FXYD1: variants seen among roughly 807,000 people sequenced by gnomAD.
FXYD1 encodes the protein FXYD domain containing ion transport regulator 1, also known as phospholemman.
Under a neutral mutation model 17.2 loss-of-function variants are expected in FXYD1, and 9 were observed. The observed-to-expected ratio is 0.52, with a 90% CI of 0.32 to 0.91. The LOEUF (loss-of-function observed/expected upper bound fraction) is 0.91, where lower values mean the gene tolerates loss of function less well. Among genes scored for constraint, FXYD1 ranks in the 40% least tolerant of loss-of-function variants. FXYD1 has a pLI of 0.04. For missense variants in FXYD1, 113 were observed against 120.6 expected (o/e 0.94, Z 0.29); for synonymous variants, 55 against 45.8 (o/e 1.20, Z -0.81).
At chr19:35,140,425 C>T (rs1328357211) in intron 2 of FXYD1, among the ~76,000 whole-genome samples, 172 bp from the exon 3 acceptor site, 2 of 152,094 alleles carry the variant, frequency 1.3e-5, no homozygotes, top group Non-Finnish European at 1.5e-5. Context: ...GTGCCACCTG[C>T]CCCATCTGGG....
At chr19:35,139,974 T>G (rs773611241) in intron 1 of FXYD1, 102 bp from the exon 2 acceptor site, 2 of 1,014,608 alleles carry the variant, frequency 2.0e-6, no homozygotes, top group Non-Finnish European at 3.1e-6. Flanking sequence ...CAAACACTTC[T>G]GTGATTCAGT....
upstream of FXYD1, chr19:35,138,667 C>CCAAG (rs1272932327): frequency 6.6e-6 from 1 of 152,354 alleles, no homozygotes; most frequent in Non-Finnish European, 1.5e-5. Context: ...AGAGAGTTAA[C>CCAAG]CAAGCGGGCC....
chr19:35,140,041 G>A, intron 1 of FXYD1, 35 bp from the exon 2 acceptor site: 1 of 1,602,552 alleles, frequency 6.2e-7, no homozygotes, highest in Non-Finnish European at 8.5e-7. Context: ...GGAGAGCAAG[G>A]GCACACACTG....
intron 7 of FXYD1, 58 bp downstream of exon 7, chr19:35,142,829 A>G: frequency 1.5e-6 from 2 of 1,338,304 alleles, no homozygotes; most frequent in Non-Finnish European, 1.1e-6. Context: ...AAGGCGGGAG[A>G]GGGAGGGGGC....
chr19:35,137,349 T>C (rs1271666194), upstream of FXYD1, among the ~76,000 whole-genome samples: 3 of 152,190 alleles, frequency 2.0e-5, no homozygotes. Context: ...AATACATATC[T>C]GTGGTTTTGG....
chr19:35,141,649 G>A, intron 5 of FXYD1, 77 bp downstream of exon 5: 1 of 1,178,740 alleles, frequency 8.5e-7, no homozygotes, highest in Non-Finnish European at 1.2e-6. Context: ...GAGTACCCCT[G>A]ACCCGCAGCC....
At chr19:35,140,698 G>A (rs1176365101) in intron 3 of FXYD1, 69 bp downstream of exon 3, 28 of 1,329,150 alleles carry the variant, frequency 2.1e-5, no homozygotes, top group East Asian at 2.3e-5. Flanking sequence ...ATTCCCCCTC[G>A]CCCTCCCCCA....
At position 35,141,181 on chromosome 19, in the gene FXYD1, C is replaced by T. The variant is rs762504988; in HGVS notation, c.144C>T (p.Phe48=). The T allele has an allele frequency of 6.2e-7, 1 of 1,608,356 alleles. No homozygotes were observed. Among genetic ancestry groups the T allele is most frequent in the Non-Finnish European group, 8.5e-7 (1 of 1,175,548 alleles). Residue 48 remains phenylalanine (F), a synonymous_variant, in exon 4 of 8, where the codon TTC becomes TTT. Coordinates refer to ENST00000351325, the MANE Select transcript of FXYD1 (RefSeq NM_021902.4). ...GCCTCGTCATCGCCGGGATCCTCTT[C>T]ATCCTGGGCATCCTCATCGTGCTGA... ...IGGLVIAGIL[F]ILGILIVLSR...
In FXYD1 at chr19:35,140,619, G is replaced by T; in HGVS notation, c.84G>T (p.Pro28=). The part of the protein sequence containing the change: ...AKAESPKEHD[P]FTYDYQSLQI... ...CAGAAAGTCCAAAGGAACACGACCC[G>T]TTCACTTACGGTGAGCGGGGGGTCT... The change falls in exon 3 of 8, where the codon CCG becomes CCT. Residue 28 remains proline, a synonymous_variant. Transcript: ENST00000351325. The T allele has an allele frequency of 2.5e-6, 4 of 1,613,450 alleles. No individual in the cohort carries two copies. Among genetic ancestry groups the T allele is most frequent in the Non-Finnish European group, 3.4e-6 (4 of 1,179,664 alleles).
At chr19:35,139,914 C>T (rs966912344) in intron 1 of FXYD1, 162 bp from the exon 2 acceptor site, 25 of 618,322 alleles carry the variant, frequency 4.0e-5, no homozygotes, top group Admixed American at 1.8e-4. Context: ...TGTGTCCCCA[C>T]GAAGCTGGGG....
chr19:35,139,861 G>A, intron 1 of FXYD1: 1 of 542,068 alleles, frequency 1.8e-6, no homozygotes, highest in Non-Finnish European at 3.4e-6. Context: ...CTGCTACGTT[G>A]TGTTGTTGTG....
At chr19:35,141,407 C>T in intron 4 of FXYD1, 129 bp from the exon 5 acceptor site, 1 of 787,158 alleles carries the variant, frequency 1.3e-6, no homozygotes, top group Non-Finnish European at 2.1e-6. Flanking sequence ...TTCCCCGGCC[C>T]CCGGTCTCGC....
intron 3 of FXYD1, 39 bp from the exon 4 acceptor site, chr19:35,141,093 T>A (rs377406329): frequency 7.6e-7 from 1 of 1,321,798 alleles, no homozygotes; most frequent in African/African-American, 1.4e-5. Flanking sequence ...CTCCCTCCTG[T>A]CTTCCCTGCC....
In FXYD1 at chr19:35,141,572, G is replaced by A; in HGVS notation, c.206G>A (p.Arg69Lys). 1 of 1,610,030 alleles carries A rather than the reference G, an allele frequency of 6.2e-7. No homozygotes were observed. The highest frequency in any genetic ancestry group is 8.5e-7 in the Non-Finnish European group (1 of 1,178,380). The change falls in exon 5 of 8, where the codon AGG (arginine) becomes AAG (lysine). Residue 69 changes from arginine to lysine, a missense_variant and splice_region_variant. Coordinates refer to ENST00000351325, the MANE Select transcript of FXYD1 (RefSeq NM_021902.4). ...CGGTGCAAGTTCAACCAGCAGCAGA[G>A]GTAAGACGCCCCTCCCCGCCCTCCT... is the stretch of plus-strand genomic sequence containing the variant. The part of the protein sequence containing the change: ...RCRCKFNQQQ[R>K]TGEPDEEEGT...
chr19:35,142,584 G>T lies in FXYD1; in HGVS notation c.256+63G>T, dbSNP rs548795635. ...GCTGGTTCCAAGGACCGCTTTTCCC[G>T]GCCCTCCCTGGCTGCGTAGAGGGAA... On this transcript the variant is annotated intron_variant, in intron 6 of 7. Coordinates refer to ENST00000351325, the MANE Select transcript of FXYD1 (RefSeq NM_021902.4). The T allele has an allele frequency of 6.8e-5, 105 of 1,551,218 alleles. No individual in the cohort carries two copies. In the African/African-American group the frequency reaches 1.2e-3, roughly 18 times the overall value.
At chr19:35,141,696 A>C in intron 5 of FXYD1, 124 bp downstream of exon 5, 1 of 753,336 alleles carries the variant, frequency 1.3e-6, no homozygotes, top group Non-Finnish European at 2.2e-6. Context: ...AGCACCTACT[A>C]TGTGCCATGG....
chr19:35,141,658 C>A (rs1316002755), intron 5 of FXYD1, 86 bp downstream of exon 5: 2 of 1,057,444 alleles, frequency 1.9e-6, no homozygotes, highest in African/African-American at 1.6e-5. Flanking sequence ...TGACCCGCAG[C>A]CCGATCCCCG....
At chr19:35,142,404 G>A in intron 5 of FXYD1, 68 bp from the exon 6 acceptor site, 1 of 1,201,296 alleles carries the variant, frequency 8.3e-7, no homozygotes, top group Non-Finnish European at 1.2e-6. Context: ...GGCTTGTACT[G>A]GGGGGTTCCT....
At position 35,143,035 on chromosome 19, in the gene FXYD1, C is replaced by A. The variant is rs1232812794; in HGVS notation, c.*148C>A. ...CCTGCCGCCAAGACTTCCAATAAAA[C>A]GTGCGTTCCTCTCGACAGCACTTTG... On this transcript the variant is annotated 3_prime_UTR_variant, in exon 8 of 8. Transcript: ENST00000351325. This position sits in a 1 kb window ranked among gnomAD's most constrained non-coding sequence, Gnocchi z 4.3. 2.1e-6 allele frequency: 1 copy of A among 482,774 alleles called. No homozygotes were observed. The highest frequency in any genetic ancestry group is 3.7e-6 in the Non-Finnish European group (1 of 269,072). 29.9% of individuals were successfully genotyped at this position (482,774 alleles called of 1,614,324 possible).
Sources: gnomAD v4.1 joint callset for allele counts (sites outside exome capture counted in the v4.1 genomes callset) on GRCh38, gnomAD v4.1.1 for gene constraint, Gnocchi (gnomAD v3.1) non-coding constraint, MANE v1.5 for transcripts, NCBI Gene and HGNC (gene_info 2026-07-23, HGNC 2026-07-21) for gene names.